Variants in CERS6 observed in about 807,000 individuals in gnomAD.
CERS6 encodes the protein LAG1 homolog, ceramide synthase 6.
CERS6 carries 26 observed loss-of-function variants against 56.8 expected under a neutral mutation model. The ratio of observed to expected loss-of-function variants is 0.46; its 90% CI spans 0.34 to 0.63. The LOEUF is 0.63. Among genes scored for constraint, CERS6 ranks in the 30% least tolerant of loss-of-function variants. CERS6 has a pLI of 0.01. For synonymous variants in CERS6, 164 were observed against 173.3 expected (o/e 0.95, Z 0.42); for missense variants, 415 against 467.5 (o/e 0.89, Z 1.04).
chr2:168,470,715 C>A (rs869059812), intron 1 of CERS6, among the ~76,000 whole-genome samples: 2 of 152,170 alleles, frequency 1.3e-5, no homozygotes, highest in Admixed American at 6.5e-5. Flanking sequence ...AGAACAAAAA[C>A]AGATATGCAG....
intron 1 of CERS6, among the ~76,000 whole-genome samples, chr2:168,468,673 C>T (rs1427521611): frequency 2.0e-5 from 3 of 152,204 alleles, no homozygotes; most frequent in Non-Finnish European, 4.4e-5. Flanking sequence ...ACTGGCCTTA[C>T]CTTTACATCA....
chr2:168,732,915 C>T (rs999746649), intron 8 of CERS6, among the ~76,000 whole-genome samples: 2 of 151,702 alleles, frequency 1.3e-5, no homozygotes, highest in Admixed American at 1.3e-4. Flanking sequence ...TGTGTGTTTA[C>T]AATGCAAAGA....
intron 8 of CERS6, among the ~76,000 whole-genome samples, chr2:168,764,217 A>ACTTCCCCCT (rs1684663387): frequency 6.6e-6 from 1 of 151,894 alleles, no homozygotes. Flanking sequence ...ATCTCTGCTC[A>ACTTCCCCCT]CTGCAAGCCC....
intron 7 of CERS6, among the ~76,000 whole-genome samples, chr2:168,716,332 A>G (rs911218330): frequency 3.3e-5 from 5 of 152,146 alleles, no homozygotes; most frequent in African/African-American, 9.7e-5. Flanking sequence ...GCTTGAATGT[A>G]GAAATTTATG....
chr2:168,687,112 G>A (rs148210830), intron 4 of CERS6, among the ~76,000 whole-genome samples: 127 of 152,222 alleles, frequency 8.3e-4, no homozygotes, highest in African/African-American at 2.9e-3. Context: ...TAGGGGCACC[G>A]TCCCCAAGTG....
chr2:168,501,944 C>A (rs1038878119), intron 1 of CERS6, among the ~76,000 whole-genome samples: 1 of 152,156 alleles, frequency 6.6e-6, no homozygotes, highest in African/African-American at 2.4e-5. Flanking sequence ...ACATGTCAAC[C>A]ATTGCAAGCA....
chr2:168,686,025 G>A lies in CERS6; in HGVS notation c.466-5009G>A, dbSNP rs114075941. 6.0e-3 allele frequency among the ~76,000 whole-genome samples: 898 copies of A among 148,900 alleles called. 10 individuals are homozygous for A. The highest frequency in any genetic ancestry group is 0.031 in the Middle Eastern group (9 of 294). On this transcript the variant is annotated intron_variant, in intron 4 of 9. Transcript: ENST00000305747. ...TTAATAGCTAATAAGCACCATTTAT[G>A]AGGAGTTCTCTTATGATGCTGTTAG...
chr2:168,762,909 T>G (rs1405496684), intron 8 of CERS6, among the ~76,000 whole-genome samples: 2 of 7,318 alleles, frequency 2.7e-4, no homozygotes, highest in South Asian at 2.9e-3. Flanking sequence ...TCTCTCACTC[T>G]TGTCGCCCAG....
chr2:168,609,212 C>G lies in CERS6; in HGVS notation c.408-21773C>G, dbSNP rs113591653. Among the ~76,000 whole-genome samples the G allele has an allele frequency of 1.1e-3, 169 of 152,348 alleles. 2 individuals carry two copies. The highest frequency in any genetic ancestry group is 4.0e-3 in the African/African-American group (166 of 41,582). On this transcript the variant is annotated intron_variant, in intron 3 of 9. Transcript: ENST00000305747. ...TGCCTCCCCACCTACCCACTGCAGT[C>G]TTAAACTCTTGGGCTCAAGGGATCC... is the stretch of plus-strand genomic sequence containing the variant.
intron 1 of CERS6, among the ~76,000 whole-genome samples, chr2:168,506,185 G>A (rs1235268198): frequency 6.6e-6 from 1 of 152,146 alleles, no homozygotes; most frequent in Non-Finnish European, 1.5e-5. Context: ...GAAAGAAAAA[G>A]CAAATTGAAA....
chr2:168,488,743 G>A (rs6746493), intron 1 of CERS6, among the ~76,000 whole-genome samples: 11,774 of 151,950 alleles, frequency 0.077, 510 homozygotes, highest in East Asian at 0.18. Context: ...TGCTCTGGGA[G>A]TTATAATATA....
chr2:168,721,631 A>C (rs1683171321), intron 8 of CERS6, among the ~76,000 whole-genome samples: 1 of 150,718 alleles, frequency 6.6e-6, no homozygotes, highest in South Asian at 2.1e-4. Flanking sequence ...AAAAAAAAAA[A>C]AAAAACCAAC....
chr2:168,689,143 A>G (rs1036592341), intron 4 of CERS6, among the ~76,000 whole-genome samples: 4 of 152,162 alleles, frequency 2.6e-5, no homozygotes, highest in Non-Finnish European at 5.9e-5. Context: ...TCCATTCTGT[A>G]TTCCTTTTCA....
At chr2:168,657,396 G>A (rs941356559) in intron 4 of CERS6, among the ~76,000 whole-genome samples, 2 of 152,270 alleles carry the variant, frequency 1.3e-5, no homozygotes, top group African/African-American at 2.4e-5. Flanking sequence ...CCCGCACCGG[G>A]GCTGCAGGTG....
chr2:168,696,260 G>C (rs370019772), intron 6 of CERS6, among the ~76,000 whole-genome samples: 2 of 152,142 alleles, frequency 1.3e-5, no homozygotes, highest in Non-Finnish European at 2.9e-5. Flanking sequence ...TTCTAGTCTT[G>C]TTCTTCTCCA....
At chr2:168,679,648 G>A (rs954518454) in intron 4 of CERS6, among the ~76,000 whole-genome samples, 10 of 152,114 alleles carry the variant, frequency 6.6e-5, no homozygotes, top group Admixed American at 5.9e-4. Flanking sequence ...TTAGTACCTC[G>A]CTCACACACA....
chr2:168,687,477 C>T (rs989071755), intron 4 of CERS6, among the ~76,000 whole-genome samples: 1 of 152,142 alleles, frequency 6.6e-6, no homozygotes. Context: ...AAGCCCAGAC[C>T]TCAGCCTGCA....
rs374976492 is a variant in CERS6 at position 168,561,294 on chromosome 2, A to G, written c.379A>G (p.Ser127Gly). ...ACAAAGACGCAATCAGGAGAAGCCA[A>G]GCACGCTGACGAGGTTCTGTGAGAG... ...FRQRRNQEKP[S>G]TLTRFCESMW... The change falls in exon 3 of 10, where the codon AGC becomes GGC. Residue 127 changes from serine to glycine, a missense_variant. Ser to Gly is a moderately conservative substitution (Grantham distance 56). Coordinates refer to ENST00000305747, the MANE Select transcript of CERS6 (RefSeq NM_203463.3). 9.3e-6 allele frequency: 15 copies of G among 1,614,162 alleles called. No homozygotes were observed. The highest frequency in any genetic ancestry group is 9.3e-6 in the Non-Finnish European group (11 of 1,179,984).
chr2:168,586,563 T>G (rs1199140609), intron 3 of CERS6, among the ~76,000 whole-genome samples: 1 of 152,204 alleles, frequency 6.6e-6, no homozygotes, highest in Non-Finnish European at 1.5e-5. Flanking sequence ...TTATTGGAAA[T>G]ATTTTAACTG....
Sources: gnomAD v4.1 joint callset for allele counts (sites outside exome capture counted in the v4.1 genomes callset) on GRCh38, gnomAD v4.1.1 for gene constraint, MANE v1.5 for transcripts, NCBI Gene and HGNC (gene_info 2026-07-23, HGNC 2026-07-21) for gene names.